CTSH: variants seen among roughly 807,000 people sequenced by gnomAD.
The protein encoded by CTSH is pro-cathepsin H.
Under a neutral mutation model 56.3 loss-of-function variants are expected in CTSH, and 52 were observed. The observed-to-expected ratio is 0.92, with a 90% confidence interval of 0.74 to 1.16. CTSH has a LOEUF of 1.16. Ranked by LOEUF, CTSH falls within the 50% of genes most tolerant of loss-of-function variation. CTSH has a pLI of 0.00. For missense variants in CTSH, 406 were observed against 424.5 expected, an observed-to-expected ratio of 0.96 and a Z score of 0.38; for synonymous variants, 174 against 155.7, an observed-to-expected ratio of 1.12 and a Z score of -0.88.
At chr15:78,939,638 A>G (rs995543160) in intron 1 of CTSH, among the ~76,000 whole-genome samples, 2 of 152,254 alleles carry the variant, frequency 1.3e-5, no homozygotes, top group Admixed American at 1.3e-4. Context: ...CTGTAATCCC[A>G]GCACTTTGGG....
chr15:78,925,212 T>C (rs1315589731), intron 10 of CTSH, 122 bp downstream of exon 10: 7 of 636,660 alleles, frequency 1.1e-5, no homozygotes, highest in African/African-American at 1.8e-5. Flanking sequence ...ACCTGGCAGG[T>C]GTCATGAAGG....
At chr15:78,934,282 A>G (rs1234198462) in intron 5 of CTSH, among the ~76,000 whole-genome samples, 1 of 152,242 alleles carries the variant, frequency 6.6e-6, no homozygotes, top group Non-Finnish European at 1.5e-5. Context: ...GTTTCCAGGA[A>G]GGAAACCTTC....
intron 9 of CTSH, chr15:78,925,839 C>T (rs2054892490): frequency 1.1e-5 from 2 of 175,364 alleles, no homozygotes; most frequent in Non-Finnish European, 1.2e-5. Context: ...TCCCAGATGG[C>T]GGTGGAAACG....
intron 2 of CTSH, chr15:78,937,792 T>G (rs1174141683): frequency 6.1e-6 from 8 of 1,302,030 alleles, no homozygotes; most frequent in Non-Finnish European, 8.0e-6. Context: ...CCCAACTGAT[T>G]CTGCAACCAG....
At chr15:78,925,621 T>G in intron 9 of CTSH, 181 bp from the exon 10 acceptor site, 1 of 542,970 alleles carries the variant, frequency 1.8e-6, no homozygotes, top group African/African-American at 1.9e-5. Context: ...CCATCTCTCG[T>G]TCCTCTCCCC....
At chr15:78,939,489 T>C (rs2055244019) in intron 1 of CTSH, among the ~76,000 whole-genome samples, 1 of 152,234 alleles carries the variant, frequency 6.6e-6, no homozygotes, top group South Asian at 2.1e-4. Context: ...TGGGCGCTGG[T>C]TAACTGAGTG....
intron 10 of CTSH, 85 bp from the exon 11 acceptor site, chr15:78,923,203 C>G: frequency 6.7e-7 from 1 of 1,503,634 alleles, no homozygotes; most frequent in Non-Finnish European, 9.1e-7. Context: ...TCTTTGAGCG[C>G]TTTAGAGCAA....
At chr15:78,922,599 C>A (rs2054795950) in intron 11 of CTSH, among the ~76,000 whole-genome samples, 1 of 152,196 alleles carries the variant, frequency 6.6e-6, no homozygotes, top group African/African-American at 2.4e-5. Context: ...CCCAGGCCGC[C>A]CCATGCCAGC....
At chr15:78,938,095 G>A (rs192535481) in intron 2 of CTSH, among the ~76,000 whole-genome samples, 231 of 152,302 alleles carry the variant, frequency 1.5e-3, no homozygotes, top group African/African-American at 4.4e-3. Context: ...TGGGCCAGGT[G>A]CAGTGGCTCA....
chr15:78,925,560 C>T (rs907187364), intron 9 of CTSH, 120 bp from the exon 10 acceptor site: 5 of 656,920 alleles, frequency 7.6e-6, no homozygotes, highest in Non-Finnish European at 1.4e-5. Flanking sequence ...TGGCCAGAAG[C>T]AGCTCCCCTG....
intron 1 of CTSH, among the ~76,000 whole-genome samples, chr15:78,943,568 G>A (rs560666894): frequency 6.6e-6 from 1 of 152,118 alleles, no homozygotes; most frequent in Non-Finnish European, 1.5e-5. Flanking sequence ...GGCTACAAAC[G>A]GTTTCTTACA....
At position 78,937,485 on chromosome 15, in the gene CTSH, CT is replaced by C. The variant is rs948765599; in HGVS notation, c.124-63del. 1.8e-5 allele frequency: 27 copies of C among 1,481,738 alleles called. No homozygotes were observed. The African/African-American group carries it at 3.0e-4, about 16-fold the overall frequency. The allele number at this position is 1,481,738 out of a possible 1,614,324, so 91.8% of individuals were successfully genotyped here. A position where few individuals can be genotyped will look rare whatever the true frequency, so the allele number is the denominator to read the frequency against. ...AGGCTGCAGCTCCCTAGAGGGAGAC[CT>C]TTTTGTTTTCCTAAGAGGAAAGATG... is the stretch of plus-strand genomic sequence containing the variant. On this transcript the variant is annotated intron_variant, in intron 2 of 11. Transcript: ENST00000220166.
At chr15:78,934,849 A>C in intron 5 of CTSH, 129 bp downstream of exon 5, 1 of 731,518 alleles carries the variant, frequency 1.4e-6, no homozygotes. Context: ...GGCTGGAGAG[A>C]TGCCGAGAGG....
At chr15:78,935,216 C>A in intron 4 of CTSH, 134 bp from the exon 5 acceptor site, 1 of 648,336 alleles carries the variant, frequency 1.5e-6, no homozygotes, top group Admixed American at 2.7e-5. Flanking sequence ...AGAACCTTCC[C>A]TCTCCTGTCT....
Position 78,925,665 on chromosome 15 carries a change from G to A in CTSH, c.700-225C>T, listed in dbSNP as rs2054888761. The A allele has an allele frequency of 1.0e-5, 5 of 478,854 alleles. No homozygotes were observed. The Admixed American group carries it at 1.7e-4, about 16-fold the overall frequency. The allele number at this position is 478,854 out of a possible 1,614,324, so 29.7% of individuals were successfully genotyped here. ...TCCTAGGAAACCCTGCACCCTCTGA[G>A]ATAGGGACCACGGGGTACAGCGTGG... On this transcript the variant is annotated intron_variant, in intron 9 of 11. Transcript: ENST00000220166.
At chr15:78,932,232 G>C (rs1034874057) in intron 6 of CTSH, 140 bp downstream of exon 6, 1 of 843,670 alleles carries the variant, frequency 1.2e-6, no homozygotes, top group African/African-American at 1.7e-5. Context: ...TCTCATGCCA[G>C]ATGTCCACAA....
chr15:78,941,422 T>TAA (rs35226827), intron 1 of CTSH, among the ~76,000 whole-genome samples: 4,260 of 48,428 alleles, frequency 0.088, 335 homozygotes, highest in East Asian at 0.22. Flanking sequence ...AGACTCTGTC[T>TAA]AAAAAAAAAA....
In CTSH at chr15:78,939,388, A is replaced by G. The variant is rs1029622776; in HGVS notation, c.92-217T>C. On this transcript the variant is annotated intron_variant, in intron 1 of 11. Coordinates refer to ENST00000220166, the MANE Select transcript of CTSH (RefSeq NM_004390.5). ...GTGAAAAAGTATATACTATTAGTCA[A>G]TGGTGTTGAAAGTCAGGATGGTGGT... 7.3e-4 allele frequency among the ~76,000 whole-genome samples: 111 copies of G among 152,340 alleles called. 1 individual carries two copies. Among genetic ancestry groups the G allele is most frequent in the African/African-American group, 2.6e-3 (109 of 41,574 alleles).
chr15:78,924,592 T>G (rs549544735), intron 10 of CTSH, among the ~76,000 whole-genome samples: 2 of 152,166 alleles, frequency 1.3e-5, no homozygotes, highest in African/African-American at 2.4e-5. Context: ...GCTTGGTTTT[T>G]CTGAAGAAGC....
Sources: allele counts gnomAD v4.1 joint callset (sites outside exome capture counted in the v4.1 genomes callset), GRCh38; gene constraint gnomAD v4.1.1; transcripts MANE v1.5; gene names NCBI Gene and HGNC (gene_info 2026-07-23, HGNC 2026-07-21).